Variants in RND3 observed in about 807,000 individuals in gnomAD.
RND3 encodes the protein rho-related GTP-binding protein RhoE.
In RND3, 8 loss-of-function variants were observed where a neutral mutation model predicts 26.5. The observed-to-expected ratio is 0.30, with a 90% CI of 0.18 to 0.54. The LOEUF is 0.54. RND3 is among the 20% of genes least tolerant of loss of function. RND3 has a pLI of 0.94. For synonymous variants in RND3, 113 were observed against 113.0 expected (o/e 1.00, Z 0.00); for missense variants, 207 against 302.8 (o/e 0.68, Z 2.35).
intron 5 of RND3, 83 bp from the exon 6 acceptor site, chr2:150,470,321 T>TAACA (rs1558868767): frequency 7.1e-7 from 1 of 1,403,330 alleles, no homozygotes; most frequent in East Asian, 2.3e-5. Flanking sequence ...CACAAAATAA[T>TAACA]AACACATTGC....
chr2:150,486,660 C>T lies in RND3; in HGVS notation c.238+34G>A. The T allele has an allele frequency of 2.0e-6, 3 of 1,484,862 alleles. No homozygotes were observed. The highest frequency in any genetic ancestry group is 2.3e-5 in the South Asian group (2 of 88,526). The allele number at this position is 1,484,862 out of a possible 1,614,324, so 92.0% of individuals were successfully genotyped here. A position where few individuals can be genotyped will look rare whatever the true frequency, so the allele number is the denominator to read the frequency against. On this transcript the variant is annotated intron_variant, in intron 3 of 5. Coordinates refer to ENST00000263895, the MANE Select transcript of RND3 (RefSeq NM_005168.5). This position sits in a 1 kb window ranked among gnomAD's most constrained non-coding sequence, Gnocchi z 4.5. ...GCGCATCCCCCAGCGACTGGAAACCCGCCCCAAGCGCCACGCGGTCCTCCC... is the reference window on the plus strand; with the variant it reads ...GCGCATCCCCCAGCGACTGGAAACCTGCCCCAAGCGCCACGCGGTCCTCCC...
intron 3 of RND3, among the ~76,000 whole-genome samples, chr2:150,476,783 G>A (rs1686173863): frequency 6.6e-6 from 1 of 152,200 alleles, no homozygotes; most frequent in Non-Finnish European, 1.5e-5. Flanking sequence ...GTACTCTGAG[G>A]TGAAGAGAAT....
rs560527824 is a variant in RND3 at position 150,482,743 on chromosome 2, G to A, written c.238+3951C>T. On this transcript the variant is annotated intron_variant, in intron 3 of 5. Transcript: ENST00000263895. The stretch of plus-strand genomic sequence containing the variant: ...TGGGCGGGGGTGGGGGGGGCGGTGC[G>A]GGGGTAGCTGTTTCCTATCTGAAGA... Among the ~76,000 whole-genome samples the A allele has an allele frequency of 1.2e-4, 18 of 145,820 alleles. 2 individuals are homozygous for A. Among genetic ancestry groups the A allele is most frequent in the South Asian group, 9.0e-4 (4 of 4,426 alleles).
Position 150,486,642 on chromosome 2 carries a change from C to G in RND3, c.238+52G>C, listed in dbSNP as rs113746605. ...GGTTTCCCGAGACCCGCCGCGCATCCCCCAGCGACTGGAAACCCGCCCCAA... is the reference window on the plus strand; with the variant it reads ...GGTTTCCCGAGACCCGCCGCGCATCGCCCAGCGACTGGAAACCCGCCCCAA... On this transcript the variant is annotated intron_variant, in intron 3 of 5. Transcript: ENST00000263895. This position sits in a 1 kb window ranked among gnomAD's most constrained non-coding sequence, Gnocchi z 4.5. 1 of 1,276,284 alleles carries G rather than the reference C, an allele frequency of 7.8e-7. No individual in the cohort carries two copies. The highest frequency in any genetic ancestry group is 1.5e-5 in the African/African-American group (1 of 68,050). The allele number at this position is 1,276,284 out of a possible 1,614,324, so 79.1% of individuals were successfully genotyped here. A position where few individuals can be genotyped will look rare whatever the true frequency, so the allele number is the denominator to read the frequency against.
intron 4 of RND3, among the ~76,000 whole-genome samples, chr2:150,474,316 C>T (rs190527439): frequency 4.0e-4 from 61 of 152,270 alleles, no homozygotes; most frequent in Non-Finnish European, 7.1e-4. Flanking sequence ...AACATGTTTA[C>T]AAGCACTGCT....
At chr2:150,484,721 G>A (rs1686329896) in intron 3 of RND3, among the ~76,000 whole-genome samples, 1 of 152,184 alleles carries the variant, frequency 6.6e-6, no homozygotes, top group Non-Finnish European at 1.5e-5. Flanking sequence ...ACATCATCTA[G>A]CTCAGTGTCC....
intron 4 of RND3, 107 bp downstream of exon 4, chr2:150,474,768 T>C (rs1044848487): frequency 5.2e-5 from 30 of 575,568 alleles, no homozygotes; most frequent in African/African-American, 3.8e-5. Context: ...TAATTACAAA[T>C]TGTAAGGCAG....
At chr2:150,476,892 TAAG>T (rs1419764339) in intron 3 of RND3, among the ~76,000 whole-genome samples, 1 of 152,216 alleles carries the variant, frequency 6.6e-6, no homozygotes, top group African/African-American at 2.4e-5. Context: ...ATATTAGTTC[TAAG>T]AAGTTCACAC....
chr2:150,487,271 G>A lies in RND3; in HGVS notation c.147C>T (p.Pro49=), dbSNP rs369155348. 3.3e-5 allele frequency: 53 copies of A among 1,589,256 alleles called. No individual in the cohort carries two copies. The highest frequency in any genetic ancestry group is 9.2e-5 in the East Asian group (4 of 43,602). ...LLHVFAKDCF[P]ENYVPTVFEN... ...AGCCGCGGCCGGCCACACTCACCTC[G>A]GGGAAGCAGTCCTTGGCGAAGACAT... is the stretch of plus-strand genomic sequence containing the variant. The change falls in exon 2 of 6, where the codon CCC becomes CCT. Residue 49 remains proline, a synonymous_variant. Coordinates refer to ENST00000263895, the MANE Select transcript of RND3 (RefSeq NM_005168.5).
intron 2 of RND3, 111 bp downstream of exon 2, chr2:150,487,157 T>G (rs1404239269): frequency 4.8e-6 from 4 of 827,212 alleles, no homozygotes; most frequent in Non-Finnish European, 6.9e-6. Flanking sequence ...GACTTTTTTT[T>G]TTCTTTTTTT....
At chr2:150,478,096 T>C (rs1686196830) in intron 3 of RND3, among the ~76,000 whole-genome samples, 2 of 152,160 alleles carry the variant, frequency 1.3e-5, no homozygotes, top group Admixed American at 6.5e-5. Flanking sequence ...ATCTATTGTC[T>C]CTATTTATTC....
In RND3 at chr2:150,469,559, C is replaced by T. The variant is rs550415411; in HGVS notation, c.*428G>A. On this transcript the variant is annotated 3_prime_UTR_variant, in exon 6 of 6. Coordinates refer to ENST00000263895, the MANE Select transcript of RND3 (RefSeq NM_005168.5). Reference sequence around the variant, plus strand: ...CACAGTGCCAGTTCCCCCTTGAGGACGGTATATTAACGTATACTTTTTGTA... The same window carrying T: ...CACAGTGCCAGTTCCCCCTTGAGGATGGTATATTAACGTATACTTTTTGTA... The T allele has an allele frequency of 7.7e-5, 12 of 156,144 alleles. No homozygotes were observed. Among genetic ancestry groups the T allele is most frequent in the South Asian group, 1.9e-4 (1 of 5,158 alleles). 9.7% of individuals were successfully genotyped at this position (156,144 alleles called of 1,614,324 possible).
At chr2:150,475,712 G>A (rs1413705782) in intron 3 of RND3, among the ~76,000 whole-genome samples, 5 of 152,032 alleles carry the variant, frequency 3.3e-5, no homozygotes, top group African/African-American at 7.3e-5. Context: ...TTAACTTATC[G>A]CCAAACCCTA....
chr2:150,487,472 A>ATATAT lies in RND3; in HGVS notation c.-38-18_-38-17insATATA, dbSNP rs1395547619. On this transcript the variant is annotated splice_polypyrimidine_tract_variant and intron_variant, in intron 1 of 5. Transcript: ENST00000263895. ...GAATTTTCTCTTAAGAAGAAAAAAA[A>ATATAT]AAATATATATATATATATATATTTC... The ATATAT allele has an allele frequency of 4.4e-4, 151 of 344,900 alleles. No homozygotes were observed. The highest frequency in any genetic ancestry group is 2.2e-3 in the African/African-American group (62 of 27,788). The allele number at this position is 344,900 out of a possible 1,614,324, so 21.4% of individuals were successfully genotyped here. A position where few individuals can be genotyped will look rare whatever the true frequency, so the allele number is the denominator to read the frequency against.
intron 3 of RND3, among the ~76,000 whole-genome samples, chr2:150,483,753 A>G (rs764514611): frequency 5.9e-5 from 9 of 152,224 alleles, no homozygotes; most frequent in Non-Finnish European, 8.8e-5. Flanking sequence ...CTTTTGATGG[A>G]AACAGGCTAT....
rs1393335528 is a variant in RND3 at position 150,486,680 on chromosome 2, C to T, written c.238+14G>A. ...AAACCCGCCCCAAGCGCCACGCGGTCCTCCCACTCTTACCCGAAGTGTCCC... is the reference window on the plus strand; with the variant it reads ...AAACCCGCCCCAAGCGCCACGCGGTTCTCCCACTCTTACCCGAAGTGTCCC... On this transcript the variant is annotated intron_variant, in intron 3 of 5. Transcript: ENST00000263895. The surrounding 1 kb of genome is among the most constrained non-coding windows in gnomAD (Gnocchi z 4.5). 1.3e-6 allele frequency: 2 copies of T among 1,588,852 alleles called. No homozygotes were observed. The highest frequency in any genetic ancestry group is 2.2e-5 in the South Asian group (2 of 90,578).
intron 3 of RND3, among the ~76,000 whole-genome samples, chr2:150,484,404 C>A (rs1234871063): frequency 6.6e-6 from 1 of 152,202 alleles, no homozygotes; most frequent in Admixed American, 6.5e-5. Flanking sequence ...GCCCTTTAGG[C>A]ATCTATTCCG....
intron 5 of RND3, among the ~76,000 whole-genome samples, chr2:150,470,756 C>T (rs1041957289): frequency 2.6e-5 from 4 of 152,152 alleles, no homozygotes; most frequent in East Asian, 1.9e-4. Context: ...CTGGCCGTGG[C>T]GATGTGGCCT....
In RND3 at chr2:150,469,949, A is replaced by T; in HGVS notation, c.*38T>A. On this transcript the variant is annotated 3_prime_UTR_variant, in exon 6 of 6. Coordinates refer to ENST00000263895, the MANE Select transcript of RND3 (RefSeq NM_005168.5). ...CTTTTTGTTTGCTGTTGTTTTTTAC[A>T]CTAGATTCCTTTGTCTTCATTAAAG... 1 of 1,604,702 alleles carries T rather than the reference A, an allele frequency of 6.2e-7. No individual in the cohort carries two copies. Among genetic ancestry groups the T allele is most frequent in the African/African-American group, 1.3e-5 (1 of 74,470 alleles).
Sources: allele counts gnomAD v4.1 joint callset (sites outside exome capture counted in the v4.1 genomes callset), GRCh38; gene constraint gnomAD v4.1.1; non-coding constraint Gnocchi (gnomAD v3.1); transcripts MANE v1.5; gene names NCBI Gene and HGNC (gene_info 2026-07-23, HGNC 2026-07-21).